COL20A1: variants seen among roughly 807,000 people sequenced by gnomAD.
COL20A1 encodes collagen type XX alpha 1 chain.
COL20A1 carries 164 observed loss-of-function variants against 152.9 expected under a neutral mutation model. That is an observed-to-expected ratio of 1.07 (90% CI 0.94 to 1.22). The LOEUF (loss-of-function observed/expected upper bound fraction) is 1.22. Ranked by LOEUF, COL20A1 falls within the 50% of genes most tolerant of loss-of-function variation. COL20A1 has a pLI of 0.00. For missense variants in COL20A1, 1,873 were observed against 1,744.8 expected, an observed-to-expected ratio of 1.07 and a Z score of -1.31; for synonymous variants, 864 against 756.0, an observed-to-expected ratio of 1.14 and a Z score of -2.34.
At chr20:63,316,756 C>A in intron 21 of COL20A1, 65 bp downstream of exon 21, 12 of 1,374,438 alleles carry the variant, frequency 8.7e-6, no homozygotes, top group South Asian at 1.5e-5. Flanking sequence ...ATTAGGAGGA[C>A]ATGGTGGGGG....
chr20:63,316,549 C>G lies in COL20A1; in HGVS notation c.2525-4C>G, dbSNP rs1291701470. ...GGTGCCCCTTCCCCCACCATCTTCC[C>G]CAGGGTTTGACCTGATGGTGGCCTT... On this transcript the variant is annotated splice_region_variant and splice_polypyrimidine_tract_variant and intron_variant, in intron 20 of 35. Transcript: ENST00000358894. The G allele has an allele frequency of 6.3e-7, 1 of 1,587,926 alleles. No individual in the cohort carries two copies. Among genetic ancestry groups the G allele is most frequent in the African/African-American group, 1.3e-5 (1 of 74,238 alleles).
At chr20:63,322,514 G>C (rs2068179162) in intron 27 of COL20A1, among the ~76,000 whole-genome samples, 1 of 152,220 alleles carries the variant, frequency 6.6e-6, no homozygotes, top group African/African-American at 2.4e-5. Flanking sequence ...GGGCCCAGGA[G>C]CTTAGGCCCA....
intron 30 of COL20A1, 107 bp from the exon 31 acceptor site, chr20:63,326,645 C>G (rs1047351088): frequency 1.4e-6 from 1 of 694,516 alleles, no homozygotes; most frequent in Non-Finnish European, 2.3e-6. Flanking sequence ...AGGCATCCAC[C>G]GCCCTTGTCA....
chr20:63,302,939 T>C (rs1159012314), intron 3 of COL20A1, among the ~76,000 whole-genome samples: 1 of 152,220 alleles, frequency 6.6e-6, no homozygotes, highest in Non-Finnish European at 1.5e-5. Context: ...AAGAATTCTT[T>C]ATCAGTGGTG....
rs372388936 is a variant in COL20A1 at position 63,311,721 on chromosome 20, G to A, written c.1636G>A (p.Glu546Lys). 263 of 1,598,850 alleles carry A rather than the reference G, an allele frequency of 1.6e-4. No homozygotes were observed. Among genetic ancestry groups the A allele is most frequent in the Non-Finnish European group, 2.0e-4 (236 of 1,176,522 alleles). ...GAGCCTGCGAGGCCCTGAGGGCAGC[G>A]AGGCCCGGGGCATCCGTGCCAGGAC... ...VQSLRGPEGS[E>K]ARGIRARTPT... The change falls in exon 13 of 36, where the codon GAG (glutamate) becomes AAG (lysine). Residue 546 changes from glutamate to lysine, a missense_variant. Transcript: ENST00000358894. The surrounding 1 kb of genome is among the most constrained non-coding windows in gnomAD (Gnocchi z 4.4).
intron 20 of COL20A1, among the ~76,000 whole-genome samples, chr20:63,316,055 C>G (rs2068079827): frequency 6.6e-6 from 1 of 152,200 alleles, no homozygotes; most frequent in Admixed American, 6.5e-5. Flanking sequence ...TCGCAGGCCC[C>G]CAGGCAGGGT....
chr20:63,296,967 A>T lies in COL20A1; in HGVS notation c.83-943A>T, dbSNP rs147795351. Among the ~76,000 whole-genome samples the T allele has an allele frequency of 2.4e-3, 363 of 152,118 alleles. 1 individual carries two copies. Among genetic ancestry groups the T allele is most frequent in the African/African-American group, 8.5e-3 (351 of 41,486 alleles). On this transcript the variant is annotated intron_variant, in intron 2 of 35. Coordinates refer to ENST00000358894, the MANE Select transcript of COL20A1 (RefSeq NM_020882.4). ...CCCCGGAAGCTTTCAGGGGGCACCAACCCTCTCCAGAGCCCTGGGAGGTTG... is the reference window on the plus strand; with the variant it reads ...CCCCGGAAGCTTTCAGGGGGCACCATCCCTCTCCAGAGCCCTGGGAGGTTG...
rs113738403 is a variant in COL20A1 at position 63,311,689 on chromosome 20, C to T, written c.1604C>T (p.Ser535Leu). 1,321 of 1,606,932 alleles carry T rather than the reference C, an allele frequency of 8.2e-4. 1 individual carries two copies. Among genetic ancestry groups the T allele is most frequent in the South Asian group, 1.3e-3 (119 of 90,470 alleles). The change falls in exon 13 of 36, where the codon TCG becomes TTG. Residue 535 changes from serine (S) to leucine (L), a missense_variant. Transcript: ENST00000358894. This position sits in a 1 kb window ranked among gnomAD's most constrained non-coding sequence, Gnocchi z 4.4. ...GAACCTGGCAGGGACTATGAGGTCT[C>T]GGTGCAGAGCCTGCGAGGCCCTGAG... Reference protein sequence around the residue: ...GLEPGRDYEVSVQSLRGPEGS... With the variant: ...GLEPGRDYEVLVQSLRGPEGS...
rs1410988738 is a variant in COL20A1, at chr20:63,294,954, CTG to C, written c.-10-143_-10-142del. ...CCCCTAGACAACAGGTTGCAGGCCT[CTG>C]GTCCTCACACATGTGAGGGGTGGAG... On this transcript the variant is annotated intron_variant, in intron 1 of 35. Transcript: ENST00000358894. The C allele has an allele frequency of 1.0e-5, 6 of 598,116 alleles. No individual in the cohort carries two copies. The East Asian group carries it at 1.7e-4, about 17-fold the overall frequency. The allele number at this position is 598,116 out of a possible 1,614,324, so 37.1% of individuals were successfully genotyped here. A position where few individuals can be genotyped will look rare whatever the true frequency, so the allele number is the denominator to read the frequency against.
In COL20A1 at chr20:63,319,416, G is replaced by T. The variant is rs1003725648; in HGVS notation, c.2807-71G>T. ...GGGCTGCTCCTGTCCTGTCGTGGGG[G>T]CCGCCCTGCTCAAGGTATAGGCCCG... is the stretch of plus-strand genomic sequence containing the variant. On this transcript the variant is annotated intron_variant, in intron 22 of 35. Transcript: ENST00000358894. This position sits in a 1 kb window ranked among gnomAD's most constrained non-coding sequence, Gnocchi z 4.4. 5.6e-6 allele frequency: 7 copies of T among 1,260,008 alleles called. No individual in the cohort carries two copies. Among genetic ancestry groups the T allele is most frequent in the Admixed American group, 4.1e-5 (2 of 48,216 alleles). 78.1% of individuals were successfully genotyped at this position (1,260,008 alleles called of 1,614,324 possible). A position where few individuals can be genotyped will look rare whatever the true frequency, so the allele number is the denominator to read the frequency against.
At chr20:63,317,778 AG>A (rs1452213186) in intron 21 of COL20A1, among the ~76,000 whole-genome samples, 5 of 149,284 alleles carry the variant, frequency 3.3e-5, no homozygotes, top group Non-Finnish European at 5.9e-5. Context: ...GTTTCTCTTC[AG>A]GGTGGTATAG....
chr20:63,306,030 C>G lies in COL20A1; in HGVS notation c.487C>G (p.Arg163Gly). 3.1e-6 allele frequency: 5 copies of G among 1,610,402 alleles called. No homozygotes were observed. The highest frequency in any genetic ancestry group is 4.2e-6 in the Non-Finnish European group (5 of 1,178,600). The change falls in exon 5 of 36, where the codon CGC becomes GGC. Residue 163 changes from arginine to glycine, a missense_variant. By Grantham distance (125) the Arg-to-Gly change is moderately radical (BLOSUM62 -2). Coordinates refer to ENST00000358894, the MANE Select transcript of COL20A1 (RefSeq NM_020882.4). This position sits in a 1 kb window ranked among gnomAD's most constrained non-coding sequence, Gnocchi z 6.9. Reference protein sequence around the residue: ...QVAFTPSQDPRTPAGPQFRCL... With the variant: ...QVAFTPSQDPGTPAGPQFRCL... The stretch of plus-strand genomic sequence containing the variant: ...TGCCTTCACACCAAGCCAGGATCCG[C>G]GCACTCCTGGTGGGTCAGAGTGGAG...
chr20:63,312,196 G>A (rs2068017922), intron 14 of COL20A1, 141 bp downstream of exon 14: 1 of 1,167,546 alleles, frequency 8.6e-7, no homozygotes, highest in Non-Finnish European at 1.2e-6. Context: ...ACCTGGTGTG[G>A]GGGCAGATGT....
Position 63,305,444 on chromosome 20 carries a change from C to A in COL20A1, c.221C>A (p.Thr74Asn). Residue 74 changes from threonine to asparagine, a missense_variant, in exon 4 of 36, where the codon ACC becomes AAC. By Grantham distance (65) the Thr-to-Asn change is moderately conservative (BLOSUM62 0). Coordinates refer to ENST00000358894, the MANE Select transcript of COL20A1 (RefSeq NM_020882.4). The surrounding 1 kb of genome is among the most constrained non-coding windows in gnomAD (Gnocchi z 4.9). ...GACTCGGAACAGGAGGTGATACTGA[C>A]CACCAAGACCCCTAAGGCCACAGTG... ...AGDSEQEVIL[T>N]TKTPKATVGG... The A allele has an allele frequency of 6.3e-7, 1 of 1,591,712 alleles. No individual in the cohort carries two copies. Among genetic ancestry groups the A allele is most frequent in the Non-Finnish European group, 8.5e-7 (1 of 1,171,068 alleles).
intron 26 of COL20A1, 22 bp downstream of exon 26, chr20:63,321,121 TGG>T: frequency 6.5e-7 from 1 of 1,541,068 alleles, no homozygotes; most frequent in Non-Finnish European, 8.8e-7. Context: ...GGCGTCTCCT[TGG>T]GGTGACCAGG....
intron 35 of COL20A1, 114 bp downstream of exon 35, chr20:63,329,775 C>G: frequency 2.7e-6 from 2 of 731,546 alleles, no homozygotes; most frequent in Non-Finnish European, 2.2e-6. Flanking sequence ...GTGCTGGGAG[C>G]ACAAGGCCCA....
chr20:63,310,452 C>T lies in COL20A1; in HGVS notation c.1335C>T (p.Ser445=), dbSNP rs932128040. 1.1e-5 allele frequency: 17 copies of T among 1,609,398 alleles called. No individual in the cohort carries two copies. The highest frequency in any genetic ancestry group is 1.7e-4 in the Middle Eastern group (1 of 6,044). Residue 445 remains serine (S), a synonymous_variant, in exon 11 of 36, where the codon TCC becomes TCT. Coordinates refer to ENST00000358894, the MANE Select transcript of COL20A1 (RefSeq NM_020882.4). ...CCTCCCGCACAGAGTACCTGGTCTC[C>T]GTGTTCCCCATCTATGAGGGCGGGG... ...NLASRTEYLV[S]VFPIYEGGVG... is the part of the protein sequence containing the mutation.
chr20:63,302,965 G>A (rs1007068183), intron 3 of COL20A1, among the ~76,000 whole-genome samples: 3 of 152,182 alleles, frequency 2.0e-5, no homozygotes, highest in Non-Finnish European at 4.4e-5. Context: ...TAACTCCTGC[G>A]TTACCACAGC....
rs1311139889 is a variant in COL20A1 at position 63,326,028 on chromosome 20, G to A, written c.3403-68G>A. The A allele has an allele frequency of 2.9e-6, 4 of 1,369,292 alleles. 1 individual carries two copies. The allele number at this position is 1,369,292 out of a possible 1,614,324, so 84.8% of individuals were successfully genotyped here. A position where few individuals can be genotyped will look rare whatever the true frequency, so the allele number is the denominator to read the frequency against. ...AGGGTGTGTTGGGTGCTGCTGGGGG[G>A]CTGTCACCATGGGAGGGCTGGGTAC... On this transcript the variant is annotated intron_variant, in intron 29 of 35. Coordinates refer to ENST00000358894, the MANE Select transcript of COL20A1 (RefSeq NM_020882.4).
Sources: allele counts gnomAD v4.1 joint callset (sites outside exome capture counted in the v4.1 genomes callset), GRCh38; gene constraint gnomAD v4.1.1; non-coding constraint Gnocchi (gnomAD v3.1); transcripts MANE v1.5; gene names NCBI Gene and HGNC (gene_info 2026-07-23, HGNC 2026-07-21).